The following SASH1 variants were observed in gnomAD, a reference collection of about 807,000 sequenced individuals.
The protein encoded by SASH1 is SAM and SH3 domain-containing protein 1.
Under a neutral mutation model 125.2 loss-of-function variants are expected in SASH1, and 44 were observed. The ratio of observed to expected loss-of-function variants is 0.35; its 90% CI spans 0.28 to 0.45. SASH1 has a LOEUF of 0.45. Among genes scored for constraint, SASH1 ranks in the 20% least tolerant of loss-of-function variants. The probability of loss-of-function intolerance (pLI) is 1.00; values close to 1 mark genes in which losing one functional copy is unlikely to be tolerated. For synonymous variants in SASH1, 639 were observed against 649.1 expected (o/e 0.98, Z 0.24); for missense variants, 1,426 against 1,614.5 (o/e 0.88, Z 2.00).
chr6:148,526,044 GTCTTTT>G (rs1781129976), intron 11 of SASH1, among the ~76,000 whole-genome samples: 1 of 116,514 alleles, frequency 8.6e-6, no homozygotes, highest in South Asian at 3.1e-4. Context: ...GTGAAGGTGA[GTCTTTT>G]TTTTTTTTTT....
At chr6:148,298,234 A>T (rs1779814428) in intron 1 of SASH1, among the ~76,000 whole-genome samples, 1 of 151,982 alleles carries the variant, frequency 6.6e-6, no homozygotes, top group Non-Finnish European at 1.5e-5. Context: ...GCTGGTCTTG[A>T]ACTCCTGACC....
At chr6:148,326,371 T>TATATAC (rs1429437404) in intron 1 of SASH1, among the ~76,000 whole-genome samples, 3 of 74,494 alleles carry the variant, frequency 4.0e-5, no homozygotes, top group East Asian at 1.3e-3. Context: ...TATATATATA[T>TATATAC]ATACATTCTT....
chr6:148,318,126 G>T (rs1204223149), intron 1 of SASH1, among the ~76,000 whole-genome samples: 1 of 152,140 alleles, frequency 6.6e-6, no homozygotes, highest in Non-Finnish European at 1.5e-5. Flanking sequence ...ATTCATGGAG[G>T]CATTCATTCA....
intron 8 of SASH1, among the ~76,000 whole-genome samples, chr6:148,511,394 A>C (rs1403708970): frequency 6.6e-6 from 1 of 150,868 alleles, no homozygotes; most frequent in Non-Finnish European, 1.5e-5. Context: ...CCTGGATTTT[A>C]TATTGCATTT....
At chr6:148,267,199 C>T in the SASH1 span, among the ~76,000 whole-genome samples, 1 of 152,140 alleles carries the variant, frequency 6.6e-6, no homozygotes, top group Non-Finnish European at 1.5e-5. Context: ...TTAGATATTG[C>T]TTTCACATAT....
At chr6:148,270,903 AC>A (rs1330967545), upstream of SASH1, among the ~76,000 whole-genome samples, 107 of 142,936 alleles carry the variant, frequency 7.5e-4, no homozygotes, top group African/African-American at 2.6e-3. Flanking sequence ...CTCATCCACA[AC>A]TTTTTTTTTT....
chr6:148,473,642 A>G (rs1292964998), intron 6 of SASH1, among the ~76,000 whole-genome samples: 1 of 152,226 alleles, frequency 6.6e-6, no homozygotes, highest in Non-Finnish European at 1.5e-5. Context: ...TTCCTCTGTC[A>G]TGACCTAGGA....
intron 7 of SASH1, among the ~76,000 whole-genome samples, chr6:148,486,183 C>T (rs763199565): frequency 3.3e-5 from 5 of 152,108 alleles, no homozygotes; most frequent in Admixed American, 6.5e-5. Context: ...TGCAGTGGTG[C>T]GATCTCGGCT....
At chr6:148,427,550 G>A (rs1362760180) in intron 2 of SASH1, among the ~76,000 whole-genome samples, 2 of 152,074 alleles carry the variant, frequency 1.3e-5, no homozygotes, top group Admixed American at 1.3e-4. Flanking sequence ...TGCTTGGTAT[G>A]TGGTATGCAC....
intron 1 of SASH1, among the ~76,000 whole-genome samples, chr6:148,295,076 T>TCTCA (rs1554230690): frequency 6.6e-6 from 1 of 151,398 alleles, no homozygotes; most frequent in African/African-American, 2.4e-5. Flanking sequence ...TCTCTCTCTC[T>TCTCA]CACACACACA....
intron 8 of SASH1, among the ~76,000 whole-genome samples, chr6:148,498,532 G>A (rs1779417435): frequency 2.0e-5 from 3 of 152,022 alleles, no homozygotes; most frequent in Admixed American, 6.6e-5. Flanking sequence ...GATAGATTAC[G>A]GATACAATTT....
intron 1 of SASH1, among the ~76,000 whole-genome samples, chr6:148,384,675 T>C (rs1012442343): frequency 1.3e-5 from 2 of 152,324 alleles, no homozygotes; most frequent in African/African-American, 4.8e-5. Flanking sequence ...TCTCAAGGAA[T>C]AAGCTGAATA....
At chr6:148,265,866 T>C in the SASH1 span, among the ~76,000 whole-genome samples, 7 of 152,332 alleles carry the variant, frequency 4.6e-5, no homozygotes, top group African/African-American at 1.4e-4. Context: ...ATCCTCATGC[T>C]TTTGCGTGAC....
intron 1 of SASH1, among the ~76,000 whole-genome samples, chr6:148,303,419 T>C (rs1780028181): frequency 6.6e-6 from 1 of 152,084 alleles, no homozygotes; most frequent in Non-Finnish European, 1.5e-5. Flanking sequence ...GGAATCAAAA[T>C]CATAGAGTAT....
intron 8 of SASH1, chr6:148,513,011 G>A (rs1780237020): frequency 1.0e-6 from 1 of 985,358 alleles, no homozygotes; most frequent in Non-Finnish European, 1.2e-6. Context: ...TTGTACTAAT[G>A]TTCGTGCCAT....
At chr6:148,543,611 C>G in intron 17 of SASH1, 69 bp from the exon 18 acceptor site, 1 of 1,352,836 alleles carries the variant, frequency 7.4e-7, no homozygotes, top group Non-Finnish European at 1.0e-6. Context: ...TATGTTAGCA[C>G]AACTTTATGC....
intron 7 of SASH1, among the ~76,000 whole-genome samples, chr6:148,483,385 C>G (rs1429549949): frequency 6.6e-6 from 1 of 152,164 alleles, no homozygotes; most frequent in Non-Finnish European, 1.5e-5. Flanking sequence ...AAACACCTCT[C>G]TTTAGGCCTC....
chr6:148,467,600 T>C (rs1777907567), intron 4 of SASH1, among the ~76,000 whole-genome samples: 1 of 152,156 alleles, frequency 6.6e-6, no homozygotes, highest in Admixed American at 6.5e-5. Flanking sequence ...AAAACATTGG[T>C]TTCTTTACCA....
At position 148,533,303 on chromosome 6, in the gene SASH1, T is replaced by G. The variant is rs1283806495; in HGVS notation, c.1734+337T>G. On this transcript the variant is annotated intron_variant, in intron 14 of 19. Coordinates refer to ENST00000367467, the MANE Select transcript of SASH1 (RefSeq NM_015278.5). This position sits in a 1 kb window ranked among gnomAD's most constrained non-coding sequence, Gnocchi z 6.2. ...TGTGTTTTCTCCATCTGAAGAAAGA[T>G]TTCTGCCTTCTGTGTGCTCAGAGGT... is the stretch of plus-strand genomic sequence containing the variant. Among the ~76,000 whole-genome samples, 1 of 152,168 alleles carries G rather than the reference T, an allele frequency of 6.6e-6. No homozygotes were observed. The highest frequency in any genetic ancestry group is 1.5e-5 in the Non-Finnish European group (1 of 68,032).
Sources: allele counts gnomAD v4.1 joint callset (sites outside exome capture counted in the v4.1 genomes callset), GRCh38; gene constraint gnomAD v4.1.1; non-coding constraint Gnocchi (gnomAD v3.1); transcripts MANE v1.5; gene names NCBI Gene and HGNC (gene_info 2026-07-23, HGNC 2026-07-21).